The following SKAP1 variants were observed in gnomAD, a reference collection of about 807,000 sequenced individuals.
SKAP1 encodes src kinase-associated phosphoprotein 1.
In SKAP1, 44 loss-of-function variants were observed where a neutral mutation model predicts 58.5. The observed-to-expected ratio is 0.75, with a 90% CI of 0.59 to 0.97. SKAP1 has a LOEUF of 0.97. Ranked by LOEUF, SKAP1 falls within the 50% of genes least tolerant of loss-of-function variation. SKAP1 has a pLI of 0.00. For synonymous variants in SKAP1, 127 were observed against 149.7 expected (o/e 0.85, Z 1.11); for missense variants, 390 against 435.2 (o/e 0.90, Z 0.92).
At chr17:48,360,968 C>T (rs964401493) in intron 3 of SKAP1, among the ~76,000 whole-genome samples, 54 of 151,970 alleles carry the variant, frequency 3.6e-4, no homozygotes, top group African/African-American at 1.3e-3. Flanking sequence ...TATGGGCTCT[C>T]GACCTCTGGA....
At chr17:48,160,500 A>G (rs1311816074) in intron 11 of SKAP1, among the ~76,000 whole-genome samples, 2 of 149,878 alleles carry the variant, frequency 1.3e-5, no homozygotes, top group African/African-American at 4.9e-5. Flanking sequence ...TAAAGATTGG[A>G]TTGGTTCCCC....
intron 4 of SKAP1, among the ~76,000 whole-genome samples, chr17:48,320,332 G>C (rs953173795): frequency 6.6e-6 from 1 of 152,104 alleles, no homozygotes; most frequent in Non-Finnish European, 1.5e-5. Flanking sequence ...ATTATCTTAA[G>C]ATTAAACTGA....
At chr17:48,295,156 T>C (rs1187570785) in intron 4 of SKAP1, among the ~76,000 whole-genome samples, 1 of 152,168 alleles carries the variant, frequency 6.6e-6, no homozygotes, top group African/African-American at 2.4e-5. Context: ...ATGATCACTA[T>C]GTTTTGCACG....
intron 2 of SKAP1, among the ~76,000 whole-genome samples, chr17:48,391,106 A>G (rs925706871): frequency 1.3e-5 from 2 of 152,186 alleles, no homozygotes; most frequent in East Asian, 3.9e-4. Context: ...CAACAACAAC[A>G]ACAACATCAA....
upstream of SKAP1, among the ~76,000 whole-genome samples, chr17:48,430,737 C>T (rs535808156): frequency 2.6e-5 from 4 of 152,184 alleles, no homozygotes; most frequent in African/African-American, 4.8e-5. Flanking sequence ...GGGAGAATCG[C>T]GGCAGCGTGG....
intron 3 of SKAP1, among the ~76,000 whole-genome samples, chr17:48,353,756 CGTGGTGGCAG>C (rs2066834655): frequency 1.3e-5 from 2 of 151,570 alleles, no homozygotes; most frequent in African/African-American, 4.8e-5. Context: ...ATTAGCTGGG[CGTGGTGGCAG>C]GTGCCTGTAA....
intron 10 of SKAP1, among the ~76,000 whole-genome samples, chr17:48,167,466 A>T (rs1386274012): frequency 6.6e-6 from 1 of 152,168 alleles, no homozygotes; most frequent in Non-Finnish European, 1.5e-5. Flanking sequence ...AGAGCTGCAA[A>T]CACCTCTGTG....
chr17:48,220,852 C>CAAAAAAAAAAAAAAAAAAAAAAAA (rs56006389), intron 4 of SKAP1, among the ~76,000 whole-genome samples: 4 of 83,660 alleles, frequency 4.8e-5, no homozygotes, highest in African/African-American at 1.1e-4. Flanking sequence ...GACTCCATCT[C>CAAAAAAAAAAAAAAAAAAAAAAAA]AAAAAAAAAA....
At chr17:48,394,156 G>A (rs780675673) in intron 2 of SKAP1, among the ~76,000 whole-genome samples, 3 of 152,048 alleles carry the variant, frequency 2.0e-5, no homozygotes, top group Non-Finnish European at 4.4e-5. Flanking sequence ...CCAGGAGGTC[G>A]AGGCTGCAGC....
chr17:48,335,494 T>A lies in SKAP1; in HGVS notation c.280+10411A>T, dbSNP rs569461687. 2.0e-5 allele frequency among the ~76,000 whole-genome samples: 3 copies of A among 152,202 alleles called. No individual in the cohort carries two copies. In the South Asian group the frequency reaches 6.2e-4, roughly 32 times the overall value. On this transcript the variant is annotated intron_variant, in intron 4 of 12. Transcript: ENST00000336915. The stretch of plus-strand genomic sequence containing the variant: ...AAATTTATTCCATAGGCAATTCACA[T>A]GAAGACATTTGCACACCAGTTCAGT...
At chr17:48,274,356 A>G (rs2065672218) in intron 4 of SKAP1, among the ~76,000 whole-genome samples, 1 of 152,020 alleles carries the variant, frequency 6.6e-6, no homozygotes, top group East Asian at 1.9e-4. Context: ...AGATTGCATC[A>G]CTGCACTCCA....
intron 3 of SKAP1, among the ~76,000 whole-genome samples, chr17:48,354,000 G>A (rs2066842254): frequency 6.6e-6 from 1 of 151,854 alleles, no homozygotes; most frequent in Non-Finnish European, 1.5e-5. Flanking sequence ...ATGTTGTACA[G>A]GCTACAGGTA....
At chr17:48,148,728 T>G (rs191134415) in intron 11 of SKAP1, among the ~76,000 whole-genome samples, 1 of 152,234 alleles carries the variant, frequency 6.6e-6, no homozygotes, top group African/African-American at 2.4e-5. Context: ...TCATCTAAAG[T>G]GCAATGGGGA....
intron 4 of SKAP1, among the ~76,000 whole-genome samples, chr17:48,324,206 GT>G (rs2066403631): frequency 6.6e-6 from 1 of 152,000 alleles, no homozygotes; most frequent in East Asian, 1.9e-4. Flanking sequence ...CTTTCCATAT[GT>G]TTTGTATCCT....
intron 2 of SKAP1, among the ~76,000 whole-genome samples, chr17:48,396,020 C>T (rs992231345): frequency 3.9e-5 from 6 of 152,192 alleles, no homozygotes; most frequent in African/African-American, 7.2e-5. Context: ...TAAAGGAACA[C>T]TCACTTATCC....
chr17:48,397,183 C>T (rs958233774), intron 1 of SKAP1: 2 of 164,466 alleles, frequency 1.2e-5, no homozygotes, highest in Admixed American at 1.3e-4. Context: ...TAAACATTTA[C>T]ATATTAATTA....
At chr17:48,298,579 T>C (rs947722840) in intron 4 of SKAP1, among the ~76,000 whole-genome samples, 4 of 152,216 alleles carry the variant, frequency 2.6e-5, no homozygotes, top group African/African-American at 9.6e-5. Context: ...TAGTACACTA[T>C]TCCCTTGGAG....
chr17:48,368,201 CCTG>C (rs1282757370), intron 2 of SKAP1, among the ~76,000 whole-genome samples: 2 of 152,178 alleles, frequency 1.3e-5, no homozygotes, highest in African/African-American at 4.8e-5. Flanking sequence ...CAGATTAGTC[CCTG>C]CTGGACACCT....
In SKAP1 at chr17:48,429,124, G is replaced by A. The variant is rs187099337; in HGVS notation, c.46+951C>T. On this transcript the variant is annotated intron_variant, in intron 1 of 12. Coordinates refer to ENST00000336915, the MANE Select transcript of SKAP1 (RefSeq NM_003726.4). ...AAATATGACCTGCCCAAAGCAGGCC[G>A]TCTGTTAAATATGTGTCAACTATGT... is the stretch of plus-strand genomic sequence containing the variant. Among the ~76,000 whole-genome samples the A allele has an allele frequency of 1.6e-4, 25 of 152,286 alleles. No homozygotes were observed. In the East Asian group the frequency reaches 1.9e-3, roughly 12 times the overall value.
Sources: gnomAD v4.1 joint callset for allele counts (sites outside exome capture counted in the v4.1 genomes callset) on GRCh38, gnomAD v4.1.1 for gene constraint, MANE v1.5 for transcripts, NCBI Gene and HGNC (gene_info 2026-07-23, HGNC 2026-07-21) for gene names.